The following ABCB5 variants were observed in gnomAD, a reference collection of about 807,000 sequenced individuals.
ABCB5 encodes the protein ATP-binding cassette sub-family B member 5.
Under a neutral mutation model 144.2 loss-of-function variants are expected in ABCB5, and 155 were observed. The ratio of observed to expected loss-of-function variants is 1.08; its 90% confidence interval spans 0.94 to 1.23. ABCB5 has a LOEUF of 1.23. Ranked by LOEUF, ABCB5 falls within the 50% of genes most tolerant of loss-of-function variation. ABCB5 has a pLI of 0.00. For missense variants in ABCB5, 1,830 were observed against 1,520.8 expected, an observed-to-expected ratio of 1.20 and a Z score of -3.38; for synonymous variants, 610 against 528.6, an observed-to-expected ratio of 1.15 and a Z score of -2.11.
At chr7:20,623,455 C>A in intron 2 of ABCB5, 117 bp downstream of exon 2, 1 of 804,370 alleles carries the variant, frequency 1.2e-6, no homozygotes, top group Non-Finnish European at 2.0e-6. Context: ...ACACTATTTG[C>A]ATTTTGCTGA....
chr7:20,729,612 T>C (rs1341283441), intron 23 of ABCB5, among the ~76,000 whole-genome samples: 1 of 152,222 alleles, frequency 6.6e-6, no homozygotes, highest in Admixed American at 6.5e-5. Flanking sequence ...ATTTTGAGTA[T>C]TAATTCTGAG....
At chr7:20,754,691 T>C (rs1783030942) in intron 27 of ABCB5, among the ~76,000 whole-genome samples, 1 of 152,162 alleles carries the variant, frequency 6.6e-6, no homozygotes, top group Non-Finnish European at 1.5e-5. Context: ...ATTAGACAAT[T>C]CTACTTAGGT....
chr7:20,649,776 T>A (rs746955759), intron 11 of ABCB5, among the ~76,000 whole-genome samples: 5 of 152,232 alleles, frequency 3.3e-5, no homozygotes, highest in Non-Finnish European at 5.9e-5. Flanking sequence ...AGTTTACTAG[T>A]TAATATTCTG....
In ABCB5 at chr7:20,674,859, C is replaced by A. The variant is rs145914918; in HGVS notation, c.1708-6646C>A. Among the ~76,000 whole-genome samples the A allele has an allele frequency of 3.5e-3, 531 of 151,746 alleles. 7 individuals are homozygous for A. Among genetic ancestry groups the A allele is most frequent in the African/African-American group, 0.012 (502 of 41,452 alleles). ...CAACATAAAAAAATTAGTTGCATTT[C>A]TGTTCACAACAAATCTTCTGAAAAA... On this transcript the variant is annotated intron_variant, in intron 14 of 27. Transcript: ENST00000404938.
intron 21 of ABCB5, 25 bp downstream of exon 21, chr7:20,723,244 T>C (rs757403051): frequency 1.5e-5 from 24 of 1,608,148 alleles, no homozygotes; most frequent in East Asian, 2.2e-5. Flanking sequence ...GTTATCACCA[T>C]CGTAACATTT....
At chr7:20,659,858 A>G in intron 14 of ABCB5, 3 of 909,842 alleles carry the variant, frequency 3.3e-6, no homozygotes, top group Non-Finnish European at 2.6e-6. Context: ...TAATTTTTGT[A>G]TTTTTAGTAG....
At chr7:20,718,079 G>T (rs1439171224) in intron 20 of ABCB5, among the ~76,000 whole-genome samples, 2 of 140,414 alleles carry the variant, frequency 1.4e-5, no homozygotes, top group African/African-American at 2.6e-5. Context: ...TTTTTTTGTG[G>T]TTTTTTTTTT....
chr7:20,751,752 G>C (rs1782937357), intron 26 of ABCB5, among the ~76,000 whole-genome samples: 1 of 152,158 alleles, frequency 6.6e-6, no homozygotes, highest in African/African-American at 2.4e-5. Flanking sequence ...GAAATGAACG[G>C]CAGACACAGT....
At chr7:20,699,989 G>T in intron 18 of ABCB5, 60 bp downstream of exon 18, 5 of 1,598,306 alleles carry the variant, frequency 3.1e-6, no homozygotes, top group South Asian at 1.1e-5. Context: ...CTTTCTATTT[G>T]AGTTAAAAAT....
chr7:20,685,733 C>A lies in ABCB5; in HGVS notation c.1907C>A (p.Thr636Lys). ...KKADEQMESM[T>K]YSTERKTNSL... ...GCTGATGAACAGATGGAGTCAATGA[C>A]ATATTCTACTGAAAGAAAGACCAAC... Residue 636 changes from threonine to lysine, a missense_variant, in exon 16 of 28, where the codon ACA (threonine) becomes AAA (lysine). Thr to Lys is a moderately conservative substitution (Grantham distance 78). Coordinates refer to ENST00000404938, the MANE Select transcript of ABCB5 (RefSeq NM_001163941.2). 1.9e-6 allele frequency: 3 copies of A among 1,612,520 alleles called. No homozygotes were observed. Among genetic ancestry groups the A allele is most frequent in the Non-Finnish European group, 2.5e-6 (3 of 1,178,882 alleles).
intron 9 of ABCB5, among the ~76,000 whole-genome samples, chr7:20,646,596 A>T (rs1784416846): frequency 6.6e-6 from 1 of 152,218 alleles, no homozygotes; most frequent in African/African-American, 2.4e-5. Context: ...TAAAAAACAG[A>T]CTACATATAG....
intron 1 of ABCB5, among the ~76,000 whole-genome samples, chr7:20,618,378 T>C (rs1783732698): frequency 2.0e-5 from 3 of 152,232 alleles, no homozygotes; most frequent in African/African-American, 7.2e-5. Context: ...CAGTATTTCA[T>C]TTATATGGCT....
Position 20,623,334 on chromosome 7 carries a change from A to C in ABCB5, c.49A>C (p.Asn17His). 1.3e-6 allele frequency: 2 copies of C among 1,549,444 alleles called. No homozygotes were observed. The highest frequency in any genetic ancestry group is 2.4e-5 in the South Asian group (2 of 84,014). ...AEEMQENYQRNGTAEEQPKLR... is the reference protein window; with the variant it reads ...AEEMQENYQRHGTAEEQPKLR... ...AGAAATGCAAGAAAATTATCAGAGA[A>C]ATGGGTAAGCTCTCACTAAGTTCTG... is the stretch of plus-strand genomic sequence containing the variant. The change falls in exon 2 of 28, where the codon AAT becomes CAT. Residue 17 changes from asparagine (N) to histidine (H), a missense_variant. Coordinates refer to ENST00000404938, the MANE Select transcript of ABCB5 (RefSeq NM_001163941.2).
chr7:20,749,663 TTAAGA>T (rs1292818837), intron 26 of ABCB5, among the ~76,000 whole-genome samples: 3 of 151,950 alleles, frequency 2.0e-5, no homozygotes, highest in Admixed American at 2.0e-4. Context: ...AGCCCAATAG[TTAAGA>T]TGAACACAGA....
At chr7:20,624,966 G>A (rs1253780193) in intron 2 of ABCB5, among the ~76,000 whole-genome samples, 1 of 152,188 alleles carries the variant, frequency 6.6e-6, no homozygotes, top group Admixed American at 6.5e-5. Flanking sequence ...TTATGTCAAC[G>A]CTGATAAAGA....
chr7:20,622,134 T>G (rs923140805), intron 1 of ABCB5, among the ~76,000 whole-genome samples: 1 of 152,118 alleles, frequency 6.6e-6, no homozygotes. Flanking sequence ...GCATACATGA[T>G]TTTGGTTTAA....
Position 20,666,862 on chromosome 7 carries a change from A to T in ABCB5, c.1707+8186A>T, listed in dbSNP as rs367615581. 23 of 1,388,160 alleles carry T rather than the reference A, an allele frequency of 1.7e-5. No homozygotes were observed. In the African/African-American group the frequency reaches 2.2e-4, roughly 13 times the overall value. The allele number at this position is 1,388,160 out of a possible 1,614,324, so 86.0% of individuals were successfully genotyped here. On this transcript the variant is annotated intron_variant, in intron 14 of 27. Coordinates refer to ENST00000404938, the MANE Select transcript of ABCB5 (RefSeq NM_001163941.2). ...ATTGCACTATCTCCCTAATCTTTAC[A>T]CTAATTCTGGCTAAAAGACAGCATC...
intron 14 of ABCB5, among the ~76,000 whole-genome samples, chr7:20,668,935 A>T (rs1480358219): frequency 2.2e-5 from 2 of 89,794 alleles, no homozygotes; most frequent in South Asian, 5.2e-4. Flanking sequence ...GGAAGTGAGG[A>T]CCCCTCTGCC....
At chr7:20,656,912 C>CTT (rs749816471) in intron 13 of ABCB5, among the ~76,000 whole-genome samples, 57 of 58,564 alleles carry the variant, frequency 9.7e-4, no homozygotes, top group African/African-American at 2.8e-3. Context: ...TTTCCTTTTT[C>CTT]TTTTTTTTTT....
Sources: gnomAD v4.1 joint callset for allele counts (sites outside exome capture counted in the v4.1 genomes callset) on GRCh38, gnomAD v4.1.1 for gene constraint, MANE v1.5 for transcripts, NCBI Gene and HGNC (gene_info 2026-07-23, HGNC 2026-07-21) for gene names.